Variants in TRABD2B observed in about 807,000 individuals in gnomAD.
TRABD2B encodes metalloprotease TIKI2.
A neutral mutation model predicts 40.1 loss-of-function variants in TRABD2B; 14 were observed. That is an observed-to-expected ratio of 0.35 (90% CI 0.23 to 0.55). TRABD2B has a LOEUF of 0.55. TRABD2B is among the 20% of genes least tolerant of loss of function. The probability of loss-of-function intolerance (pLI) is 0.90; values close to 1 mark genes in which losing one functional copy is unlikely to be tolerated. For missense variants in TRABD2B, 541 were observed against 648.6 expected, an observed-to-expected ratio of 0.83 and a Z score of 1.80; for synonymous variants, 263 against 277.0, an observed-to-expected ratio of 0.95 and a Z score of 0.50.
chr1:47,767,978 G>A (rs1013502932), intron 6 of TRABD2B, among the ~76,000 whole-genome samples: 2 of 152,190 alleles, frequency 1.3e-5, no homozygotes, highest in African/African-American at 4.8e-5. Flanking sequence ...CAGGTGGGCA[G>A]GGGAGGGAAC....
At chr1:47,954,654 T>C (rs146888832) in intron 2 of TRABD2B, among the ~76,000 whole-genome samples, 3 of 152,266 alleles carry the variant, frequency 2.0e-5, no homozygotes, top group African/African-American at 7.2e-5. Context: ...TGTCACTGTG[T>C]GTGTGTCTGT....
chr1:47,914,057 G>A (rs899659055), intron 2 of TRABD2B, among the ~76,000 whole-genome samples: 3 of 152,202 alleles, frequency 2.0e-5, no homozygotes, highest in African/African-American at 7.2e-5. Flanking sequence ...TCACTCTGTC[G>A]CAGCTTCTCG....
At chr1:47,801,642 A>G in intron 2 of TRABD2B, 23 bp from the exon 3 acceptor site, 1 of 1,534,006 alleles carries the variant, frequency 6.5e-7, no homozygotes, top group Non-Finnish European at 8.7e-7. Context: ...AAGAGAGAGG[A>G]ATGAGGGCTG....
At chr1:47,958,149 A>C (rs1316454295) in intron 2 of TRABD2B, among the ~76,000 whole-genome samples, 1 of 149,978 alleles carries the variant, frequency 6.7e-6, no homozygotes, top group Non-Finnish European at 1.5e-5. Flanking sequence ...CTTTACAGAC[A>C]AGCAAATGCT....
At chr1:47,845,743 G>A (rs928283479) in intron 2 of TRABD2B, among the ~76,000 whole-genome samples, 19 of 152,320 alleles carry the variant, frequency 1.2e-4, no homozygotes, top group East Asian at 3.9e-4. Context: ...CAGACAATGT[G>A]GCTGCTGAGA....
At chr1:47,871,672 A>G (rs1482092238) in intron 2 of TRABD2B, among the ~76,000 whole-genome samples, 2 of 152,202 alleles carry the variant, frequency 1.3e-5, no homozygotes, top group African/African-American at 4.8e-5. Context: ...CTTCACAGGT[A>G]GGGAAAGCGA....
At chr1:47,917,776 C>T (rs1315586260) in intron 2 of TRABD2B, among the ~76,000 whole-genome samples, 1 of 152,064 alleles carries the variant, frequency 6.6e-6, no homozygotes, top group African/African-American at 2.4e-5. Flanking sequence ...AACTAGTGTT[C>T]TCACCTCCCT....
chr1:47,896,570 G>C (rs144162001), intron 2 of TRABD2B, among the ~76,000 whole-genome samples: 3 of 152,198 alleles, frequency 2.0e-5, no homozygotes, highest in Non-Finnish European at 2.9e-5. Flanking sequence ...ATGTTGTAGC[G>C]AGAGTGGGCA....
At chr1:47,819,716 G>C (rs1311534881) in intron 2 of TRABD2B, 4 of 152,190 alleles carry the variant, frequency 2.6e-5, no homozygotes, top group African/African-American at 7.2e-5. Flanking sequence ...AGGGCAATCA[G>C]GCTGCCCTAT....
chr1:47,997,155 C>T lies in TRABD2B; in HGVS notation c.-366G>A. The T allele has an allele frequency of 1.0e-6, 1 of 983,482 alleles. No homozygotes were observed. The highest frequency in any genetic ancestry group is 1.2e-6 in the Non-Finnish European group (1 of 829,276). 60.9% of individuals were successfully genotyped at this position (983,482 alleles called of 1,614,324 possible). A position where few individuals can be genotyped will look rare whatever the true frequency, so the allele number is the denominator to read the frequency against. ...GGCAGAACCGAGAACCCGGGGTGCG[C>T]AAGGGTCCCGGGGTTATGCTGGGCA... is the stretch of plus-strand genomic sequence containing the variant. On this transcript the variant is annotated 5_prime_UTR_variant, in exon 1 of 7. Coordinates refer to ENST00000606738, the MANE Select transcript of TRABD2B (RefSeq NM_001194986.2).
intron 2 of TRABD2B, among the ~76,000 whole-genome samples, chr1:47,923,301 T>A (rs1644925438): frequency 6.6e-6 from 1 of 152,226 alleles, no homozygotes; most frequent in South Asian, 2.1e-4. Flanking sequence ...ATTCAGGCAA[T>A]TACTTGTTCA....
intron 2 of TRABD2B, among the ~76,000 whole-genome samples, chr1:47,911,971 G>A (rs1644768842): frequency 6.6e-6 from 1 of 152,228 alleles, no homozygotes; most frequent in Non-Finnish European, 1.5e-5. Context: ...AATGTAATCA[G>A]TGTGGATCAC....
At chr1:47,837,194 C>T (rs1409875958) in intron 2 of TRABD2B, among the ~76,000 whole-genome samples, 2 of 152,206 alleles carry the variant, frequency 1.3e-5, no homozygotes, top group Non-Finnish European at 2.9e-5. Context: ...ATCCAACCCT[C>T]TCCCCTGCTG....
intron 2 of TRABD2B, among the ~76,000 whole-genome samples, chr1:47,912,288 A>C (rs1303359530): frequency 6.6e-6 from 1 of 152,222 alleles, no homozygotes; most frequent in Non-Finnish European, 1.5e-5. Flanking sequence ...CTACCACAAG[A>C]TGTAAACTAA....
At chr1:47,951,006 A>G (rs980345323) in intron 2 of TRABD2B, among the ~76,000 whole-genome samples, 7 of 152,198 alleles carry the variant, frequency 4.6e-5, no homozygotes, top group Non-Finnish European at 1.0e-4. Context: ...CAGGCCTTCA[A>G]TGCATTTTTA....
In TRABD2B at chr1:47,778,528, G is replaced by T; in HGVS notation, c.1005C>A (p.Asn335Lys). The T allele has an allele frequency of 3.3e-6, 5 of 1,536,108 alleles. No individual in the cohort carries two copies. Among genetic ancestry groups the T allele is most frequent in the Non-Finnish European group, 4.4e-6 (5 of 1,146,864 alleles). The change falls in exon 5 of 7, where the codon AAC becomes AAA. Residue 335 changes from asparagine to lysine, a missense_variant. Asn to Lys is a moderately conservative substitution (Grantham distance 94, BLOSUM62 0). This residue lies in a region of TRABD2B where 369 missense variants were observed against 492.8 expected (regional missense o/e 0.75). Transcript: ENST00000606738. ...FAFGAGHFLGNNTVIDILRQA... is the reference protein window; with the variant it reads ...FAFGAGHFLGKNTVIDILRQA... ...GCCGCAGGATGTCGATGACTGTGTT[G>T]TTCCCCAGAAAGTGACCTGGAACAC...
At chr1:47,869,387 A>C (rs947472261) in intron 2 of TRABD2B, among the ~76,000 whole-genome samples, 2 of 152,198 alleles carry the variant, frequency 1.3e-5, no homozygotes, top group Non-Finnish European at 2.9e-5. Flanking sequence ...TGGAAAGTAA[A>C]CTCATTGTAA....
intron 2 of TRABD2B, among the ~76,000 whole-genome samples, chr1:47,812,890 C>A (rs1644983992): frequency 2.6e-5 from 4 of 152,132 alleles, no homozygotes; most frequent in Admixed American, 1.3e-4. Flanking sequence ...GCATACATGA[C>A]CCTCTCTACC....
At position 47,765,588 on chromosome 1, in the gene TRABD2B, G is replaced by A; in HGVS notation, c.*314C>T. ...ACTGATGTCCCGGGTTCCCCTCCCGGGCCAGCACTAGGGCTAGGGGGTTAT... is the reference window on the plus strand; with the variant it reads ...ACTGATGTCCCGGGTTCCCCTCCCGAGCCAGCACTAGGGCTAGGGGGTTAT... On this transcript the variant is annotated 3_prime_UTR_variant, in exon 7 of 7. Coordinates refer to ENST00000606738, the MANE Select transcript of TRABD2B (RefSeq NM_001194986.2). The A allele has an allele frequency of 2.6e-6, 1 of 378,650 alleles. No individual in the cohort carries two copies. Among genetic ancestry groups the A allele is most frequent in the South Asian group, 2.5e-5 (1 of 40,170 alleles). 23.5% of individuals were successfully genotyped at this position (378,650 alleles called of 1,614,324 possible).
Sources: gnomAD v4.1 joint callset for allele counts (sites outside exome capture counted in the v4.1 genomes callset) on GRCh38, gnomAD v4.1.1 for gene constraint, gnomAD v4.1.1 regional missense constraint, MANE v1.5 for transcripts, NCBI Gene and HGNC (gene_info 2026-07-23, HGNC 2026-07-21) for gene names.